Variants in PTPRD observed in about 807,000 individuals in gnomAD.
PTPRD encodes protein tyrosine phosphatase receptor type D.
A neutral mutation model predicts 214.5 loss-of-function variants in PTPRD; 34 were observed. That is an observed-to-expected ratio of 0.16 (90% CI 0.12 to 0.21). The LOEUF is 0.21. Ranked by LOEUF, PTPRD falls within the 10% of genes least tolerant of loss-of-function variation. The pLI is 1.00. For missense variants in PTPRD, 2,545 were observed against 2,398.7 expected (o/e 1.06, Z -1.27); for synonymous variants, 1,128 against 845.7 (o/e 1.33, Z -5.79).
At chr9:9,829,069 GGAA>G (rs1007482240) in intron 5 of PTPRD, among the ~76,000 whole-genome samples, 14 of 151,508 alleles carry the variant, frequency 9.2e-5, no homozygotes, top group Non-Finnish European at 1.8e-4. Flanking sequence ...GGTATAGCGG[GGAA>G]TAAAAAATTT....
At chr9:10,022,985 T>G (rs1239207715) in intron 4 of PTPRD, among the ~76,000 whole-genome samples, 3 of 152,214 alleles carry the variant, frequency 2.0e-5, no homozygotes, top group Non-Finnish European at 4.4e-5. Context: ...GGAATTGTAT[T>G]TTGCCTCAGA....
chr9:10,579,712 A>C (rs1192443342), intron 2 of PTPRD, among the ~76,000 whole-genome samples: 3 of 152,164 alleles, frequency 2.0e-5, no homozygotes. Context: ...GGCTAAACTA[A>C]TTTACATTTT....
chr9:8,723,141 T>C (rs561081219), intron 12 of PTPRD, among the ~76,000 whole-genome samples: 1 of 152,242 alleles, frequency 6.6e-6, no homozygotes, highest in Admixed American at 6.5e-5. Context: ...CAGGGCCCCA[T>C]GATGTGTCTC....
At chr9:8,376,764 A>G (rs749972991) in intron 37 of PTPRD, 38 bp from the exon 38 acceptor site, 1 of 1,608,376 alleles carries the variant, frequency 6.2e-7, no homozygotes, top group South Asian at 1.1e-5. Flanking sequence ...GCAAATGCTC[A>G]TCAATTTCTC....
chr9:8,326,647 C>G (rs1330787317), intron 44 of PTPRD, among the ~76,000 whole-genome samples: 1 of 150,516 alleles, frequency 6.6e-6, no homozygotes, highest in African/African-American at 2.5e-5. Flanking sequence ...AGGAATGGTA[C>G]CAATTCCTCT....
chr9:9,300,542 TA>T (rs1954876546), intron 9 of PTPRD, among the ~76,000 whole-genome samples: 1 of 151,712 alleles, frequency 6.6e-6, no homozygotes, highest in Non-Finnish European at 1.5e-5. Flanking sequence ...AATGTGTTGG[TA>T]GTAGGAGGTT....
At chr9:9,801,392 A>G (rs1197159408) in intron 5 of PTPRD, among the ~76,000 whole-genome samples, 2 of 152,068 alleles carry the variant, frequency 1.3e-5, no homozygotes, top group African/African-American at 4.8e-5. Context: ...CTCTGCACCT[A>G]AACTCCAATG....
intron 5 of PTPRD, among the ~76,000 whole-genome samples, chr9:9,845,587 C>T (rs2059378037): frequency 6.6e-6 from 1 of 151,748 alleles, no homozygotes; most frequent in Non-Finnish European, 1.5e-5. Context: ...ATCATAGGGT[C>T]CTTCAGTTAG....
chr9:8,459,542 T>A (rs1018323146), intron 33 of PTPRD, among the ~76,000 whole-genome samples: 1 of 152,076 alleles, frequency 6.6e-6, no homozygotes. Flanking sequence ...ATTATATTCT[T>A]AAGACAGAAA....
intron 3 of PTPRD, among the ~76,000 whole-genome samples, chr9:10,211,545 T>G (rs536518237): frequency 2.6e-5 from 4 of 152,282 alleles, no homozygotes; most frequent in African/African-American, 9.6e-5. Context: ...CACCAGATCT[T>G]CTGCTGCTCC....
chr9:8,517,567 G>GC (rs1247810065), intron 21 of PTPRD, among the ~76,000 whole-genome samples: 4 of 152,254 alleles, frequency 2.6e-5, no homozygotes, highest in Non-Finnish European at 5.9e-5. Context: ...TCAAAACTGG[G>GC]CATGGGGGAG....
intron 9 of PTPRD, among the ~76,000 whole-genome samples, chr9:9,375,858 G>A: frequency 6.6e-6 from 1 of 151,964 alleles, no homozygotes; most frequent in Non-Finnish European, 1.5e-5. Context: ...GTCCAGGAAT[G>A]GATAATGATG....
At chr9:9,384,291 G>A (rs768451628) in intron 9 of PTPRD, among the ~76,000 whole-genome samples, 48 of 128,894 alleles carry the variant, frequency 3.7e-4, no homozygotes, top group Admixed American at 8.1e-4. Context: ...TGCAGTTTAC[G>A]TCAGGTATAA....
intron 8 of PTPRD, among the ~76,000 whole-genome samples, chr9:9,564,884 G>GTT (rs1191664969): frequency 0.12 from 5,894 of 48,808 alleles, 2,280 homozygotes; most frequent in Middle Eastern, 0.26. Context: ...TGAATCTTCT[G>GTT]TTTTTTTTTT....
At chr9:8,360,700 TTAG>T (rs1398505517) in intron 39 of PTPRD, among the ~76,000 whole-genome samples, 2 of 152,340 alleles carry the variant, frequency 1.3e-5, no homozygotes, top group Middle Eastern at 3.4e-3. Flanking sequence ...CCAATTACAC[TTAG>T]TAGTTCATCA....
At chr9:9,295,816 G>C (rs1952802294) in intron 9 of PTPRD, among the ~76,000 whole-genome samples, 1 of 151,792 alleles carries the variant, frequency 6.6e-6, no homozygotes, top group African/African-American at 2.4e-5. Flanking sequence ...CTAGAACTCT[G>C]ATCAGGGCTT....
At chr9:8,549,304 C>G (rs901542819) in intron 14 of PTPRD, among the ~76,000 whole-genome samples, 9 of 151,998 alleles carry the variant, frequency 5.9e-5, no homozygotes, top group African/African-American at 2.2e-4. Flanking sequence ...CCTCTTAGTT[C>G]CTTCGTGAAT....
At chr9:9,325,539 T>G (rs572666483) in intron 9 of PTPRD, among the ~76,000 whole-genome samples, 10 of 152,302 alleles carry the variant, frequency 6.6e-5, no homozygotes, top group Admixed American at 2.0e-4. Flanking sequence ...TGCACATTGA[T>G]TTTGTATCCT....
intron 2 of PTPRD, among the ~76,000 whole-genome samples, chr9:10,493,339 A>T (rs1320281299): frequency 1.3e-5 from 2 of 151,964 alleles, no homozygotes; most frequent in Non-Finnish European, 2.9e-5. Context: ...CCCTACCTGA[A>T]TTCAAACTAT....
Sources: gnomAD v4.1 joint callset for allele counts (sites outside exome capture counted in the v4.1 genomes callset) on GRCh38, gnomAD v4.1.1 for gene constraint, MANE v1.5 for transcripts, NCBI Gene and HGNC (gene_info 2026-07-23, HGNC 2026-07-21) for gene names.